Variants in MAP3K15 observed in about 807,000 individuals in gnomAD.
MAP3K15 encodes the protein mitogen-activated protein kinase kinase kinase 15, also known as MAPK/ERK kinase kinase 15.
A neutral mutation model predicts 99.5 loss-of-function variants in MAP3K15; 124 were observed. That is an observed-to-expected ratio of 1.25 (90% CI 1.08 to 1.45). The LOEUF is 1.45. MAP3K15 is among the 40% of genes most tolerant of loss of function. MAP3K15 has a pLI of 0.00. For missense variants in MAP3K15, 1,242 were observed against 1,079.7 expected (o/e 1.15, Z -2.11); for synonymous variants, 494 against 439.6 (o/e 1.12, Z -1.55).
At chrX:19,514,123 C>T (rs767271606) in intron 1 of MAP3K15, among the ~76,000 whole-genome samples, 1 of 110,887 alleles carries the variant, frequency 9.0e-6, no homozygotes, top group South Asian at 3.9e-4. Context: ...AACACACACA[C>T]ACGTAAGACA....
intron 1 of MAP3K15, among the ~76,000 whole-genome samples, chrX:19,495,362 T>A (rs1180183455): frequency 9.0e-6 from 1 of 111,546 alleles, no homozygotes; most frequent in Non-Finnish European, 1.9e-5. Context: ...GGAGCCAATA[T>A]ACCAATTCAG....
chrX:19,362,442 C>T (rs900996540), intron 26 of MAP3K15, among the ~76,000 whole-genome samples: 1 of 109,601 alleles, frequency 9.1e-6, no homozygotes, highest in African/African-American at 3.3e-5. Context: ...GCCATGTTGA[C>T]CAGGCTGGTC....
chrX:19,514,983 G>A lies in MAP3K15; in HGVS notation c.279C>T (p.Ala93=), dbSNP rs778238264. The A allele has an allele frequency of 1.9e-5, 21 of 1,124,786 alleles. No homozygotes were observed. In the South Asian group the frequency reaches 2.8e-4, roughly 15 times the overall value. The allele number at this position is 1,124,786 out of a possible 1,213,427, so 92.7% of individuals were successfully genotyped here. A position where few individuals can be genotyped will look rare whatever the true frequency, so the allele number is the denominator to read the frequency against. ...GCACGGAGGTGAGGTGAGCGCCCTC[G>A]GCCTCGCAGGCCCGCAGCAGGCACT... ...ARQCLLRACE[A]EGAHLTSVPF... is the part of the protein sequence containing the mutation. Residue 93 remains alanine, a synonymous_variant, in exon 1 of 29, where the codon GCC becomes GCT. Coordinates refer to ENST00000338883, the MANE Select transcript of MAP3K15 (RefSeq NM_001001671.4).
At chrX:19,458,981 G>A (rs142774984) in intron 5 of MAP3K15, among the ~76,000 whole-genome samples, 2,830 of 111,744 alleles carry the variant, frequency 0.025, 88 homozygotes, top group African/African-American at 0.088. Context: ...TTTCCTTCAC[G>A]GAACCACAGA....
chrX:19,449,144 G>T (rs1376938324), intron 6 of MAP3K15, among the ~76,000 whole-genome samples: 1 of 109,791 alleles, frequency 9.1e-6, no homozygotes, highest in Non-Finnish European at 1.9e-5. Flanking sequence ...CTTGGCACTC[G>T]CCCTGTTGAC....
chrX:19,487,731 A>G (rs2147400502), intron 2 of MAP3K15, among the ~76,000 whole-genome samples: 1 of 112,272 alleles, frequency 8.9e-6, no homozygotes, highest in South Asian at 3.7e-4. Context: ...CCAGGAAATA[A>G]TCTCAAATCC....
intron 20 of MAP3K15, among the ~76,000 whole-genome samples, chrX:19,373,948 G>C (rs1255351833): frequency 1.8e-5 from 2 of 111,644 alleles, no homozygotes; most frequent in Admixed American, 1.9e-4. Flanking sequence ...CCAGGGAAAA[G>C]AGGACAAACT....
At chrX:19,472,128 G>A (rs1421845507) in intron 3 of MAP3K15, among the ~76,000 whole-genome samples, 1 of 109,907 alleles carries the variant, frequency 9.1e-6, no homozygotes, top group African/African-American at 3.3e-5. Flanking sequence ...GGAGGCTGAG[G>A]GAGAAGAATG....
chrX:19,384,779 AAC>A (rs1491305718), intron 18 of MAP3K15, among the ~76,000 whole-genome samples: 1 of 105,994 alleles, frequency 9.4e-6, no homozygotes, highest in African/African-American at 3.4e-5. Context: ...AAAAAAAAAA[AAC>A]TGTACATTTT....
chrX:19,486,295 G>A (rs764818640), intron 3 of MAP3K15, among the ~76,000 whole-genome samples, 187 bp downstream of exon 3: 4 of 111,906 alleles, frequency 3.6e-5, no homozygotes, highest in African/African-American at 1.3e-4. Context: ...CTGCCTCAAT[G>A]GCTGAGTGGG....
At chrX:19,362,310 C>T (rs1402835745) in intron 26 of MAP3K15, among the ~76,000 whole-genome samples, 2 of 103,635 alleles carry the variant, frequency 1.9e-5, no homozygotes, top group African/African-American at 7.3e-5. Context: ...CGGCTCACTG[C>T]AGCCTCAACC....
Position 19,395,139 on chromosome X carries a change from G to A in MAP3K15, c.2136C>T (p.Tyr712=). 8.3e-7 allele frequency: 1 copy of A among 1,208,650 alleles called. No individual in the cohort carries two copies. The highest frequency in any genetic ancestry group is 1.1e-6 in the Non-Finnish European group (1 of 893,556). ...AGCCGTTCTCTGAAACAGAGCCCAG[G>A]TACTGAACGATATTGCGGTGCTTAA... is the stretch of plus-strand genomic sequence containing the variant. ...KYLKHRNIVQ[Y]LGSVSENGYI... is the part of the protein sequence containing the mutation. The change falls in exon 16 of 29, where the codon TAC becomes TAT. Residue 712 remains tyrosine, a synonymous_variant. Coordinates refer to ENST00000338883, the MANE Select transcript of MAP3K15 (RefSeq NM_001001671.4).
At chrX:19,452,461 A>C (rs948406944) in intron 6 of MAP3K15, among the ~76,000 whole-genome samples, 3 of 111,373 alleles carry the variant, frequency 2.7e-5, no homozygotes, top group African/African-American at 3.3e-5. Context: ...AAATAGGACT[A>C]CCATATGATC....
At chrX:19,448,144 G>C (rs2064014805) in intron 6 of MAP3K15, among the ~76,000 whole-genome samples, 2 of 108,002 alleles carry the variant, frequency 1.9e-5, no homozygotes, top group African/African-American at 6.6e-5. Flanking sequence ...AGTGTCTCCT[G>C]AACTTCCAGT....
At chrX:19,513,324 G>C (rs2064534168) in intron 1 of MAP3K15, among the ~76,000 whole-genome samples, 1 of 112,327 alleles carries the variant, frequency 8.9e-6, no homozygotes, top group African/African-American at 3.2e-5. Flanking sequence ...GAAGGAGAGT[G>C]TTGTGCCTCA....
At chrX:19,464,886 A>G (rs1469254217) in intron 3 of MAP3K15, among the ~76,000 whole-genome samples, 2 of 111,426 alleles carry the variant, frequency 1.8e-5, no homozygotes, top group East Asian at 5.6e-4. Context: ...TAATATAATG[A>G]GTCTCAGATC....
intron 18 of MAP3K15, among the ~76,000 whole-genome samples, chrX:19,390,873 T>G (rs376488776): frequency 3.3e-4 from 37 of 110,830 alleles, no homozygotes; most frequent in African/African-American, 1.1e-3. Flanking sequence ...ATCTTTGTGA[T>G]CTTTACGTTA....
rs183728425 is a variant in MAP3K15, at chrX:19,382,641, C to T, written c.2432-2364G>A. ...TTGGTCTCCAGAGCTGATGCCCTGG[C>T]GGGGAAATGTTCAGTGAGTTGCAGA... On this transcript the variant is annotated intron_variant, in intron 18 of 28. Coordinates refer to ENST00000338883, the MANE Select transcript of MAP3K15 (RefSeq NM_001001671.4). Among the ~76,000 whole-genome samples the T allele has an allele frequency of 5.1e-4, 57 of 112,029 alleles. 1 individual carries two copies. The highest frequency in any genetic ancestry group is 1.7e-3 in the African/African-American group (52 of 30,858).
chrX:19,507,623 T>G (rs1434605724), intron 1 of MAP3K15, among the ~76,000 whole-genome samples: 1 of 57,094 alleles, frequency 1.8e-5, no homozygotes, highest in East Asian at 5.9e-4. Context: ...ACAACTAATA[T>G]AAACTCAACC....
Sources: gnomAD v4.1 joint callset for allele counts (sites outside exome capture counted in the v4.1 genomes callset) on GRCh38, gnomAD v4.1.1 for gene constraint, MANE v1.5 for transcripts, NCBI Gene and HGNC (gene_info 2026-07-23, HGNC 2026-07-21) for gene names.